Variants in ZNF266 observed in about 807,000 individuals in gnomAD.
The protein encoded by ZNF266 is zinc finger protein 266, also known as zinc finger protein 1.
In ZNF266, 16 loss-of-function variants were observed where a neutral mutation model predicts 16.4. The ratio of observed to expected loss-of-function variants is 0.98; its 90% CI spans 0.66 to 1.48. The LOEUF (loss-of-function observed/expected upper bound fraction) is 1.48. ZNF266 is among the 40% of genes most tolerant of loss of function. The pLI, the probability that ZNF266 is intolerant of heterozygous loss-of-function variation, is 0.00. For missense variants in ZNF266, 738 were observed against 689.1 expected, an observed-to-expected ratio of 1.07 and a Z score of -0.79; for synonymous variants, 262 against 237.9, an observed-to-expected ratio of 1.10 and a Z score of -0.93.
At chr19:9,414,809 T>C (rs1156752157) in intron 10 of ZNF266, 89 bp from the exon 11 acceptor site, 4 of 1,380,516 alleles carry the variant, frequency 2.9e-6, no homozygotes, top group South Asian at 1.6e-5. Flanking sequence ...ACTGTGATGA[T>C]TATTATCATG....
In ZNF266 at chr19:9,418,544, C is replaced by A. The variant is rs1011851951; in HGVS notation, c.196G>T (p.Asp66Tyr). The A allele has an allele frequency of 1.2e-6, 2 of 1,614,190 alleles. No homozygotes were observed. Among genetic ancestry groups the A allele is most frequent in the East Asian group, 4.5e-5 (2 of 44,890 alleles). The change falls in exon 8 of 11, where the codon GAT becomes TAT. Residue 66 changes from aspartate (D) to tyrosine (Y), a missense_variant. By Grantham distance (160) the Asp-to-Tyr change is radical. Transcript: ENST00000592904. ...LDPTQRNLYR[D>Y]VMLENYKNLA... Reference sequence around the variant, plus strand: ...TTCTTGTAGTTCTCCAGCATCACATCTCTGTAGAGGTTTCTCTGAGTTGGG... The same window carrying A: ...TTCTTGTAGTTCTCCAGCATCACATATCTGTAGAGGTTTCTCTGAGTTGGG...
At position 9,413,732 on chromosome 19, in the gene ZNF266, T is replaced by A. The variant is rs145142226; in HGVS notation, c.1394A>T (p.His465Leu). The A allele has an allele frequency of 4.3e-6, 7 of 1,614,202 alleles. No individual in the cohort carries two copies. Among genetic ancestry groups the A allele is most frequent in the Non-Finnish European group, 5.9e-6 (7 of 1,180,034 alleles). ...AFARSSRLSEHTRTHTGEKPF... is the reference protein window; with the variant it reads ...AFARSSRLSELTRTHTGEKPF... ...CTTCTCTCCAGTGTGAGTTCTTGTA[T>A]GTTCACTAAGGCGAGAGGATCTGGC... Residue 465 changes from histidine to leucine, a missense_variant, in exon 11 of 11, where the codon CAT (histidine) becomes CTT (leucine). His to Leu is a moderately conservative substitution (Grantham distance 99). Coordinates refer to ENST00000592904, the MANE Select transcript of ZNF266 (RefSeq NM_001370374.1).
rs2068592616 is a variant in ZNF266 at position 9,413,903 on chromosome 19, T to C, written c.1223A>G (p.Asp408Gly). 2.5e-6 allele frequency: 4 copies of C among 1,614,048 alleles called. No homozygotes were observed. The South Asian group carries it at 4.4e-5, about 18-fold the overall frequency. ...TATTCCAGTGTGAATTCGAAAGTGA[T>C]CACTGAGGCATGAGGAATTTCTAAA... The part of the protein sequence containing the change: ...KSFRNSSCLS[D>G]HFRIHTGIKP... The change falls in exon 11 of 11, where the codon GAT (aspartate) becomes GGT (glycine). Residue 408 changes from aspartate (D) to glycine (G), a missense_variant. Coordinates refer to ENST00000592904, the MANE Select transcript of ZNF266 (RefSeq NM_001370374.1).
At chr19:9,425,173 C>A (rs1347609184) in intron 5 of ZNF266, among the ~76,000 whole-genome samples, 1 of 152,168 alleles carries the variant, frequency 6.6e-6, no homozygotes, top group Non-Finnish European at 1.5e-5. Flanking sequence ...TTCCTTTGCG[C>A]AACCAATCCA....
intron 10 of ZNF266, among the ~76,000 whole-genome samples, chr19:9,415,032 C>T (rs185620905): frequency 2.2e-3 from 337 of 152,294 alleles, no homozygotes; most frequent in African/African-American, 7.8e-3. Context: ...CAGTGGCTCA[C>T]GCCTGTAATC....
At chr19:9,417,971 C>T in intron 8 of ZNF266, 63 bp from the exon 9 acceptor site, 1 of 1,489,412 alleles carries the variant, frequency 6.7e-7, no homozygotes, top group Admixed American at 1.7e-5. Context: ...AATCTTTCCA[C>T]AACTCAGGAG....
At chr19:9,422,918 G>A (rs1259547336) in intron 5 of ZNF266, among the ~76,000 whole-genome samples, 1 of 152,148 alleles carries the variant, frequency 6.6e-6, no homozygotes, top group East Asian at 1.9e-4. Flanking sequence ...GAACCAGAGT[G>A]GTAACAAGGA....
intron 7 of ZNF266, chr19:9,419,014 T>A (rs149257685): frequency 6.2e-6 from 1 of 162,600 alleles, no homozygotes; most frequent in Non-Finnish European, 1.3e-5. Context: ...TTAATCAATA[T>A]TGAAATACTG....
chr19:9,430,398 T>A (rs2071415100), intron 5 of ZNF266, among the ~76,000 whole-genome samples: 1 of 151,988 alleles, frequency 6.6e-6, no homozygotes, highest in East Asian at 1.9e-4. Flanking sequence ...CTGTTCAGTC[T>A]CTCCCATCGT....
intron 5 of ZNF266, among the ~76,000 whole-genome samples, chr19:9,433,032 G>A (rs985041985): frequency 6.6e-6 from 1 of 151,924 alleles, no homozygotes; most frequent in Non-Finnish European, 1.5e-5. Context: ...TAACAGCTCA[G>A]GGCACACACA....
intron 5 of ZNF266, among the ~76,000 whole-genome samples, chr19:9,423,487 T>C (rs2070237515): frequency 1.3e-5 from 2 of 152,190 alleles, no homozygotes; most frequent in Admixed American, 6.5e-5. Context: ...AATGGAAGCA[T>C]GTCCTTGAAA....
Position 9,418,593 on chromosome 19 carries a change from G to C in ZNF266, c.147C>G (p.Thr49=). The stretch of plus-strand genomic sequence containing the variant: ...GGTCCAGTAAAGTCCATTCTTCTGG[G>C]GTGAAGTCCACAGCCAGATCATCAA... ...VTFDDLAVDF[T]PEEWTLLDPT... The change falls in exon 8 of 11, where the codon ACC becomes ACG. Residue 49 remains threonine (T), a synonymous_variant. Coordinates refer to ENST00000592904, the MANE Select transcript of ZNF266 (RefSeq NM_001370374.1). The C allele has an allele frequency of 6.3e-7, 1 of 1,575,654 alleles. No homozygotes were observed. Among genetic ancestry groups the C allele is most frequent in the Non-Finnish European group, 8.7e-7 (1 of 1,145,006 alleles).
chr19:9,414,636 C>T lies in ZNF266; in HGVS notation c.490G>A (p.Val164Met). The change falls in exon 11 of 11, where the codon GTG becomes ATG. Residue 164 changes from valine to methionine, a missense_variant. Physicochemically the swap from Val to Met is conservative, Grantham distance 21. Coordinates refer to ENST00000592904, the MANE Select transcript of ZNF266 (RefSeq NM_001370374.1). ...SSEHSCLKTH[V>M]RTQNSENTFE... Reference sequence around the variant, plus strand: ...GTGTTCTCACTATTTTGAGTTCTCACATGTGTCTTAAGGCATGAGTGTTCA... The same window carrying T: ...GTGTTCTCACTATTTTGAGTTCTCATATGTGTCTTAAGGCATGAGTGTTCA... The T allele has an allele frequency of 6.2e-7, 1 of 1,608,914 alleles. No individual in the cohort carries two copies. Among genetic ancestry groups the T allele is most frequent in the East Asian group, 2.2e-5 (1 of 44,704 alleles).
At chr19:9,430,905 C>T (rs879479883) in intron 5 of ZNF266, among the ~76,000 whole-genome samples, 14 of 152,206 alleles carry the variant, frequency 9.2e-5, no homozygotes, top group Non-Finnish European at 1.6e-4. Flanking sequence ...GGTTAGCACC[C>T]GGCTGTCTCC....
Position 9,413,784 on chromosome 19 carries a change from C to T in ZNF266, c.1342G>A (p.Glu448Lys). 1 of 1,614,100 alleles carries T rather than the reference C, an allele frequency of 6.2e-7. No homozygotes were observed. Among genetic ancestry groups the T allele is most frequent in the South Asian group, 1.1e-5 (1 of 91,078 alleles). ...AAGGCCTTTCCACATTCCTTACATT[C>T]ATAGGGCCTCTCTCCACTGTGAGTT... is the stretch of plus-strand genomic sequence containing the variant. The part of the protein sequence containing the change: ...ARTHSGERPY[E>K]CKECGKAFAR... Residue 448 changes from glutamate (E) to lysine (K), a missense_variant, in exon 11 of 11, where the codon GAA becomes AAA. Transcript: ENST00000592904.
chr19:9,415,983 C>T (rs61549480), intron 9 of ZNF266, among the ~76,000 whole-genome samples: 1 of 152,126 alleles, frequency 6.6e-6, no homozygotes, highest in African/African-American at 2.4e-5. Flanking sequence ...GCCACAACGC[C>T]CAGCTAATTT....
At chr19:9,432,462 C>G (rs2071758567) in intron 5 of ZNF266, among the ~76,000 whole-genome samples, 1 of 152,122 alleles carries the variant, frequency 6.6e-6, no homozygotes, top group South Asian at 2.1e-4. Flanking sequence ...ACTGGAACCC[C>G]TAAGTGCCAA....
chr19:9,432,100 C>A (rs2071690842), intron 5 of ZNF266, among the ~76,000 whole-genome samples: 1 of 150,486 alleles, frequency 6.6e-6, no homozygotes, highest in South Asian at 2.1e-4. Context: ...GGATTACAGG[C>A]ACCCACCACC....
At chr19:9,415,783 G>A (rs1438063514) in intron 9 of ZNF266, 41 bp from the exon 10 acceptor site, 1 of 1,533,818 alleles carries the variant, frequency 6.5e-7, no homozygotes, top group Non-Finnish European at 9.0e-7. Context: ...AGACATACAG[G>A]GTAGACAGAT....
Sources: gnomAD v4.1 joint callset for allele counts (sites outside exome capture counted in the v4.1 genomes callset) on GRCh38, gnomAD v4.1.1 for gene constraint, MANE v1.5 for transcripts, NCBI Gene and HGNC (gene_info 2026-07-23, HGNC 2026-07-21) for gene names.